Variants in SPIDR observed in about 807,000 individuals in gnomAD.
The protein encoded by SPIDR is DNA repair-scaffolding protein.
A neutral mutation model predicts 104.6 loss-of-function variants in SPIDR; 93 were observed. The observed-to-expected ratio is 0.89, with a 90% CI of 0.75 to 1.06. The LOEUF (loss-of-function observed/expected upper bound fraction) is 1.06. Ranked by LOEUF, SPIDR falls within the 50% of genes least tolerant of loss-of-function variation. The pLI is 0.00. For missense variants in SPIDR, 1,154 were observed against 1,111.2 expected (o/e 1.04, Z -0.55); for synonymous variants, 431 against 416.9 (o/e 1.03, Z -0.41).
At chr8:47,699,444 C>T (rs569343316) in intron 11 of SPIDR, among the ~76,000 whole-genome samples, 1 of 152,240 alleles carries the variant, frequency 6.6e-6, no homozygotes. Flanking sequence ...ACAAGGGGCT[C>T]AGGTAAAGGT....
At chr8:47,353,085 T>C (rs1267327114) in intron 5 of SPIDR, among the ~76,000 whole-genome samples, 1 of 151,776 alleles carries the variant, frequency 6.6e-6, no homozygotes, top group Non-Finnish European at 1.5e-5. Context: ...AGTTATTCTT[T>C]CCAAATATGA....
chr8:47,660,308 C>A (rs2073898731), intron 10 of SPIDR: 1 of 313,990 alleles, frequency 3.2e-6, no homozygotes, highest in Non-Finnish European at 4.6e-6. Context: ...GACAAATATT[C>A]ACTTCATAAT....
At chr8:47,424,615 G>C (rs181515699) in intron 7 of SPIDR, among the ~76,000 whole-genome samples, 1 of 152,250 alleles carries the variant, frequency 6.6e-6, no homozygotes, top group African/African-American at 2.4e-5. Flanking sequence ...ACCATACCCG[G>C]ACCCTTAGAT....
At chr8:47,343,717 C>A (rs1484993315) in intron 5 of SPIDR, among the ~76,000 whole-genome samples, 1 of 152,084 alleles carries the variant, frequency 6.6e-6, no homozygotes, top group South Asian at 2.1e-4. Flanking sequence ...CTGTTTCGGG[C>A]AGGGATTTAA....
At chr8:47,630,217 A>G (rs2066845005) in intron 10 of SPIDR, among the ~76,000 whole-genome samples, 1 of 152,238 alleles carries the variant, frequency 6.6e-6, no homozygotes, top group Non-Finnish European at 1.5e-5. Flanking sequence ...AGGAGAATTT[A>G]TTGTTCACAA....
chr8:47,504,522 A>G (rs1049342401), intron 8 of SPIDR, among the ~76,000 whole-genome samples: 1 of 152,130 alleles, frequency 6.6e-6, no homozygotes, highest in Non-Finnish European at 1.5e-5. Flanking sequence ...TGGTTATTCT[A>G]GTTAGCCATT....
intron 8 of SPIDR, among the ~76,000 whole-genome samples, chr8:47,566,154 G>A (rs952296285): frequency 1.3e-5 from 2 of 150,788 alleles, no homozygotes; most frequent in African/African-American, 4.9e-5. Context: ...CTACAGGCAT[G>A]AGCCACCATG....
intron 19 of SPIDR, among the ~76,000 whole-genome samples, chr8:47,732,399 A>T (rs2085403503): frequency 6.6e-6 from 1 of 152,210 alleles, no homozygotes; most frequent in East Asian, 1.9e-4. Flanking sequence ...CATATGCTGG[A>T]CACATGCGTA....
At chr8:47,357,977 G>T (rs1032737794) in intron 5 of SPIDR, 62 of 477,272 alleles carry the variant, frequency 1.3e-4, no homozygotes, top group African/African-American at 1.3e-3. Flanking sequence ...CACTCTGGCA[G>T]TCTTTCCTCT....
intron 8 of SPIDR, among the ~76,000 whole-genome samples, chr8:47,517,951 G>T (rs1368814998): frequency 1.3e-5 from 2 of 152,016 alleles, no homozygotes; most frequent in African/African-American, 4.8e-5. Flanking sequence ...AAGAGTTCTT[G>T]CCTCTGTATT....
intron 5 of SPIDR, among the ~76,000 whole-genome samples, chr8:47,299,218 T>G (rs1392205419): frequency 6.6e-6 from 1 of 152,216 alleles, no homozygotes; most frequent in Middle Eastern, 3.2e-3. Context: ...TTGAAGCAAT[T>G]GTGAATGGGA....
chr8:47,563,412 ATTC>A (rs2057338246), intron 8 of SPIDR, among the ~76,000 whole-genome samples: 1 of 151,940 alleles, frequency 6.6e-6, no homozygotes, highest in Admixed American at 6.6e-5. Context: ...GATTCAAGCT[ATTC>A]TTCGCCTCAG....
At chr8:47,633,791 A>G (rs951059562) in intron 10 of SPIDR, among the ~76,000 whole-genome samples, 1 of 152,152 alleles carries the variant, frequency 6.6e-6, no homozygotes, top group African/African-American at 2.4e-5. Flanking sequence ...AATGAACTTA[A>G]TAAGTTAAAA....
intron 11 of SPIDR, among the ~76,000 whole-genome samples, chr8:47,677,372 A>G (rs994102359): frequency 2.6e-5 from 4 of 152,242 alleles, no homozygotes; most frequent in African/African-American, 4.8e-5. Flanking sequence ...ATGTTAACCT[A>G]TCATAGGTAT....
chr8:47,728,247 G>A (rs1176444033), intron 17 of SPIDR, among the ~76,000 whole-genome samples: 1 of 151,524 alleles, frequency 6.6e-6, no homozygotes, highest in Non-Finnish European at 1.5e-5. Context: ...CCAACACGGT[G>A]AAACCCCATC....
chr8:47,432,521 G>A (rs2067544179), intron 7 of SPIDR, among the ~76,000 whole-genome samples: 1 of 152,084 alleles, frequency 6.6e-6, no homozygotes, highest in South Asian at 2.1e-4. Context: ...ACTGATCCAG[G>A]TGCAACACAG....
In SPIDR at chr8:47,644,004, G is replaced by A. The variant is rs552715050; in HGVS notation, c.1545-29797G>A. On this transcript the variant is annotated intron_variant, in intron 10 of 19. Transcript: ENST00000297423. ...TTTAAACAGTATCAACAGAGGCTTCGAGTGTGATGTTTACATTTCTGGAAC... is the reference window on the plus strand; with the variant it reads ...TTTAAACAGTATCAACAGAGGCTTCAAGTGTGATGTTTACATTTCTGGAAC... Among the ~76,000 whole-genome samples, 3 of 152,286 alleles carry A rather than the reference G, an allele frequency of 2.0e-5. No individual in the cohort carries two copies. The East Asian group carries it at 5.8e-4, about 29-fold the overall frequency.
chr8:47,261,053 C>A (rs948935118), intron 1 of SPIDR, 62 bp downstream of exon 1: 1 of 1,224,722 alleles, frequency 8.2e-7, no homozygotes, highest in Non-Finnish European at 1.0e-6. Context: ...AGCGGCGGGC[C>A]GGCGCGGGGC....
intron 8 of SPIDR, among the ~76,000 whole-genome samples, chr8:47,453,748 A>G (rs1335756705): frequency 6.6e-6 from 1 of 152,364 alleles, no homozygotes; most frequent in East Asian, 1.9e-4. Flanking sequence ...CTAAAAGCAT[A>G]AAAACCCTAG....
Sources: allele counts gnomAD v4.1 joint callset (sites outside exome capture counted in the v4.1 genomes callset), GRCh38; gene constraint gnomAD v4.1.1; transcripts MANE v1.5; gene names NCBI Gene and HGNC (gene_info 2026-07-23, HGNC 2026-07-21).